The following GALNT10 variants were observed in gnomAD, a reference collection of about 807,000 sequenced individuals.
GALNT10 encodes GalNAc transferase 10.
GALNT10 carries 41 observed loss-of-function variants against 75.0 expected under a neutral mutation model. The ratio of observed to expected loss-of-function variants is 0.55; its 90% CI spans 0.43 to 0.71. GALNT10 has a LOEUF of 0.71. Ranked by LOEUF, GALNT10 falls within the 30% of genes least tolerant of loss-of-function variation. GALNT10 has a pLI of 0.00. For synonymous variants in GALNT10, 302 were observed against 313.0 expected (o/e 0.96, Z 0.37); for missense variants, 727 against 818.5 (o/e 0.89, Z 1.36).
intron 1 of GALNT10, among the ~76,000 whole-genome samples, chr5:154,205,032 C>G (rs1775085160): frequency 6.6e-6 from 1 of 152,204 alleles, no homozygotes; most frequent in African/African-American, 2.4e-5. Flanking sequence ...ACTCTGACTT[C>G]TCCATGTTTC....
At chr5:154,293,433 A>G (rs1279206770) in intron 1 of GALNT10, among the ~76,000 whole-genome samples, 1 of 151,962 alleles carries the variant, frequency 6.6e-6, no homozygotes, top group Admixed American at 6.5e-5. Flanking sequence ...TGTTGGCTTG[A>G]GAAAGTATCA....
intron 1 of GALNT10, among the ~76,000 whole-genome samples, chr5:154,213,808 C>T (rs539280255): frequency 1.3e-5 from 2 of 152,250 alleles, no homozygotes; most frequent in Non-Finnish European, 2.9e-5. Flanking sequence ...TCTCAAGACT[C>T]CTGGCCTCAA....
chr5:154,409,682 A>G lies in GALNT10; in HGVS notation c.1306A>G (p.Lys436Glu). ...LRSSLNCKSF[K>E]WFMTKIAWDL... ...CAGCTCCCTTAACTGCAAGAGTTTCAAGTGGTTTATGACGAAGATAGCCTG... is the reference window on the plus strand; with the variant it reads ...CAGCTCCCTTAACTGCAAGAGTTTCGAGTGGTTTATGACGAAGATAGCCTG... Residue 436 changes from lysine (K) to glutamate (E), a missense_variant, in exon 9 of 12, where the codon AAG becomes GAG. Coordinates refer to ENST00000297107, the MANE Select transcript of GALNT10 (RefSeq NM_198321.4). This position sits in a 1 kb window ranked among gnomAD's most constrained non-coding sequence, Gnocchi z 4.5. The G allele has an allele frequency of 6.2e-7, 1 of 1,614,162 alleles. No individual in the cohort carries two copies. The highest frequency in any genetic ancestry group is 8.5e-7 in the Non-Finnish European group (1 of 1,180,016).
intron 4 of GALNT10, among the ~76,000 whole-genome samples, chr5:154,363,456 G>T (rs929619233): frequency 1.5e-5 from 2 of 130,570 alleles, no homozygotes; most frequent in African/African-American, 5.8e-5. Context: ...AATCTTCAAG[G>T]CATATCCTGA....
intron 7 of GALNT10, chr5:154,403,755 C>G: frequency 3.1e-6 from 1 of 326,510 alleles, no homozygotes; most frequent in South Asian, 2.7e-5. Flanking sequence ...TTTGGCTCCA[C>G]CACTTACTCT....
chr5:154,289,753 GGT>G (rs1754166082), intron 1 of GALNT10, among the ~76,000 whole-genome samples: 1 of 152,140 alleles, frequency 6.6e-6, no homozygotes. Context: ...GTAGGTTCAG[GGT>G]GTGAGTCCAG....
At chr5:154,266,704 GTC>G (rs1753779349) in intron 1 of GALNT10, among the ~76,000 whole-genome samples, 1 of 151,798 alleles carries the variant, frequency 6.6e-6, no homozygotes, top group Non-Finnish European at 1.5e-5. Context: ...GCCAGACCCT[GTC>G]TCTATAAAAA....
At chr5:154,407,269 G>C (rs141255276) in intron 8 of GALNT10, among the ~76,000 whole-genome samples, 163 of 152,230 alleles carry the variant, frequency 1.1e-3, no homozygotes, top group African/African-American at 3.8e-3. Flanking sequence ...GGTATGAGGA[G>C]CCCGAAGCCC....
At chr5:154,262,206 CGCATTGTAGATTAGGGAGGGGCCCA>C (rs1198105193) in intron 1 of GALNT10, among the ~76,000 whole-genome samples, 1 of 152,098 alleles carries the variant, frequency 6.6e-6, no homozygotes, top group African/African-American at 2.4e-5. Context: ...TCCTTTCTCC[CGCATTGTAGATTAGGGAGGGGCCCA>C]GACAGGTTGA....
At chr5:154,281,043 G>A (rs990603037) in intron 1 of GALNT10, among the ~76,000 whole-genome samples, 4 of 152,170 alleles carry the variant, frequency 2.6e-5, no homozygotes, top group Non-Finnish European at 4.4e-5. Flanking sequence ...GGACATGTAA[G>A]TCCTCCAACT....
chr5:154,400,911 C>CA (rs1023324537), intron 7 of GALNT10, among the ~76,000 whole-genome samples: 1 of 152,134 alleles, frequency 6.6e-6, no homozygotes, highest in Admixed American at 6.5e-5. Context: ...GGGATGCTCT[C>CA]AAAGGACCCA....
At chr5:154,362,876 G>C (rs1195218588) in intron 4 of GALNT10, among the ~76,000 whole-genome samples, 2 of 152,140 alleles carry the variant, frequency 1.3e-5, no homozygotes, top group Non-Finnish European at 2.9e-5. Flanking sequence ...TATATCTTCT[G>C]GTTCTAGTCT....
chr5:154,205,552 C>G (rs1345805060), intron 1 of GALNT10, among the ~76,000 whole-genome samples: 3 of 152,146 alleles, frequency 2.0e-5, no homozygotes, highest in Admixed American at 6.5e-5. Context: ...TGGGTTGAAT[C>G]ATGTCTCTCA....
At chr5:154,204,305 A>G (rs770657942) in intron 1 of GALNT10, among the ~76,000 whole-genome samples, 12 of 151,776 alleles carry the variant, frequency 7.9e-5, no homozygotes, top group Non-Finnish European at 2.9e-5. Flanking sequence ...AAATCCACCT[A>G]TTTTCTTCCC....
intron 6 of GALNT10, among the ~76,000 whole-genome samples, chr5:154,382,366 T>C (rs1484067941): frequency 6.6e-6 from 1 of 152,226 alleles, no homozygotes; most frequent in Non-Finnish European, 1.5e-5. Context: ...TCACTACTAT[T>C]AGATCCCTTC....
intron 1 of GALNT10, among the ~76,000 whole-genome samples, chr5:154,235,512 C>CAGA (rs918044996): frequency 4.6e-5 from 7 of 152,132 alleles, no homozygotes; most frequent in African/African-American, 1.7e-4. Context: ...CAGGAGTTCT[C>CAGA]AAACTGTTCT....
chr5:154,253,035 T>C (rs72808619), intron 1 of GALNT10, among the ~76,000 whole-genome samples: 5,464 of 147,548 alleles, frequency 0.037, 144 homozygotes, highest in Middle Eastern at 0.1. Flanking sequence ...TTAGTCTTCA[T>C]TTGTGAAATG....
At chr5:154,212,995 C>T (rs1752792128) in intron 1 of GALNT10, among the ~76,000 whole-genome samples, 1 of 151,974 alleles carries the variant, frequency 6.6e-6, no homozygotes, top group Non-Finnish European at 1.5e-5. Flanking sequence ...ATCACAGGCT[C>T]CAGAGTCAGA....
At chr5:154,362,132 C>T (rs1044321980) in intron 4 of GALNT10, among the ~76,000 whole-genome samples, 1 of 152,232 alleles carries the variant, frequency 6.6e-6, no homozygotes, top group Non-Finnish European at 1.5e-5. Context: ...TCTGTTCAAA[C>T]TGGGCACCCC....
Sources: gnomAD v4.1 joint callset for allele counts (sites outside exome capture counted in the v4.1 genomes callset) on GRCh38, gnomAD v4.1.1 for gene constraint, Gnocchi (gnomAD v3.1) non-coding constraint, MANE v1.5 for transcripts, NCBI Gene and HGNC (gene_info 2026-07-23, HGNC 2026-07-21) for gene names.